Variants in SDK1 observed in about 807,000 individuals in gnomAD.
The protein encoded by SDK1 is protein sidekick-1.
SDK1 carries 157 observed loss-of-function variants against 245.5 expected under a neutral mutation model. The ratio of observed to expected loss-of-function variants is 0.64; its 90% CI spans 0.56 to 0.73. SDK1 has a LOEUF of 0.73. Among genes scored for constraint, SDK1 ranks in the 30% least tolerant of loss-of-function variants. The pLI, the probability that SDK1 is intolerant of heterozygous loss-of-function variation, is 0.00. For missense variants in SDK1, 3,583 were observed against 3,002.3 expected, an observed-to-expected ratio of 1.19 and a Z score of -4.52; for synonymous variants, 1,647 against 1,278.5, an observed-to-expected ratio of 1.29 and a Z score of -6.15.
chr7:3,759,812 C>T (rs983189639), intron 4 of SDK1, among the ~76,000 whole-genome samples: 4 of 151,958 alleles, frequency 2.6e-5, no homozygotes, highest in Admixed American at 2.0e-4. Context: ...AGGCTGGTCT[C>T]GAACTCCTGA....
At chr7:3,675,698 A>G (rs1218898737) in intron 4 of SDK1, among the ~76,000 whole-genome samples, 2 of 152,036 alleles carry the variant, frequency 1.3e-5, no homozygotes, top group Non-Finnish European at 2.9e-5. Context: ...CTCAGCCACT[A>G]CAGGCATTTT....
chr7:3,850,389 TG>T (rs1390628843), intron 5 of SDK1, among the ~76,000 whole-genome samples: 4 of 152,348 alleles, frequency 2.6e-5, no homozygotes, highest in Admixed American at 2.0e-4. Context: ...GAAAATAAGA[TG>T]CCTTTTACAC....
At chr7:3,569,903 T>C (rs776894688) in intron 1 of SDK1, among the ~76,000 whole-genome samples, 1 of 152,222 alleles carries the variant, frequency 6.6e-6, no homozygotes, top group East Asian at 1.9e-4. Flanking sequence ...TGGTGCAGCT[T>C]GTGTTTGATA....
intron 1 of SDK1, among the ~76,000 whole-genome samples, chr7:3,548,917 C>T (rs1156271787): frequency 6.6e-6 from 1 of 152,138 alleles, no homozygotes; most frequent in Non-Finnish European, 1.5e-5. Flanking sequence ...TAGCATTAAT[C>T]GGAGACTTCT....
chr7:3,558,952 C>A (rs1245894398), intron 1 of SDK1, among the ~76,000 whole-genome samples: 1 of 152,106 alleles, frequency 6.6e-6, no homozygotes, highest in Non-Finnish European at 1.5e-5. Context: ...CTACTCAAGA[C>A]TACTTAGATT....
chr7:4,090,709 G>T (rs1395413987), intron 22 of SDK1, among the ~76,000 whole-genome samples: 1 of 152,146 alleles, frequency 6.6e-6, no homozygotes, highest in Non-Finnish European at 1.5e-5. Context: ...AGTGGAGAGT[G>T]GGATTTAGAA....
chr7:4,131,283 G>C (rs902509750), intron 27 of SDK1, among the ~76,000 whole-genome samples: 1 of 152,194 alleles, frequency 6.6e-6, no homozygotes, highest in African/African-American at 2.4e-5. Context: ...CTGTAGACAT[G>C]CCTTCCTCCT....
chr7:3,948,476 A>G (rs544664660), intron 5 of SDK1, among the ~76,000 whole-genome samples: 51 of 151,976 alleles, frequency 3.4e-4, no homozygotes, highest in Non-Finnish European at 5.9e-4. Flanking sequence ...GTTAGCCAGG[A>G]TGGTCTCGAT....
At chr7:3,481,734 T>C (rs1007551613) in intron 1 of SDK1, among the ~76,000 whole-genome samples, 1 of 152,216 alleles carries the variant, frequency 6.6e-6, no homozygotes, top group Non-Finnish European at 1.5e-5. Context: ...CCTGCTCTTA[T>C]GCCTTAAGGC....
intron 35 of SDK1, among the ~76,000 whole-genome samples, chr7:4,194,487 T>A (rs886980699): frequency 2.0e-5 from 3 of 151,988 alleles, no homozygotes; most frequent in Non-Finnish European, 4.4e-5. Flanking sequence ...TACTCCCATA[T>A]ATATGGGAGT....
At position 4,220,232 on chromosome 7, in the gene SDK1, C is replaced by A. The variant is rs369769759; in HGVS notation, c.5663C>A (p.Pro1888His). 1.9e-6 allele frequency: 3 copies of A among 1,613,862 alleles called. No homozygotes were observed. The highest frequency in any genetic ancestry group is 2.5e-6 in the Non-Finnish European group (3 of 1,179,980). ...CAAGCGCGGACCATCACCTACGGGC[C>A]CGAGCTCCAAGCCAATATCACAGCC... ...RVQARTITYG[P>H]ELQANITAGP... Residue 1888 changes from proline (P) to histidine (H), a missense_variant, in exon 39 of 45, where the codon CCC becomes CAC. Pro to His is a moderately conservative substitution (Grantham distance 77). Transcript: ENST00000404826.
chr7:3,495,413 C>T (rs1394262844), intron 1 of SDK1, among the ~76,000 whole-genome samples: 1 of 151,806 alleles, frequency 6.6e-6, no homozygotes, highest in Non-Finnish European at 1.5e-5. Flanking sequence ...TGTGTGACGC[C>T]ACACTGGAGT....
intron 4 of SDK1, among the ~76,000 whole-genome samples, chr7:3,816,715 G>A (rs1779516757): frequency 6.6e-6 from 1 of 152,198 alleles, no homozygotes; most frequent in Non-Finnish European, 1.5e-5. Flanking sequence ...GTACAGCTAA[G>A]GAAAGTTCAT....
chr7:3,461,495 G>T (rs1181559012), intron 1 of SDK1, among the ~76,000 whole-genome samples: 1 of 152,162 alleles, frequency 6.6e-6, no homozygotes, highest in Non-Finnish European at 1.5e-5. Context: ...GTGAAGAAAA[G>T]AAAGAAAATC....
At chr7:3,619,736 A>G (rs1781876382) in intron 2 of SDK1, among the ~76,000 whole-genome samples, 1 of 152,198 alleles carries the variant, frequency 6.6e-6, no homozygotes, top group Non-Finnish European at 1.5e-5. Context: ...TTCAGCAGCA[A>G]TAAAACAGTA....
At chr7:3,973,611 AT>A (rs919593871) in intron 12 of SDK1, among the ~76,000 whole-genome samples, 60 of 151,810 alleles carry the variant, frequency 4.0e-4, no homozygotes, top group Middle Eastern at 6.8e-3. Context: ...CACTCTGTAG[AT>A]TTTTTTTAAA....
intron 5 of SDK1, among the ~76,000 whole-genome samples, chr7:3,845,605 G>T (rs1268037344): frequency 1.3e-5 from 2 of 150,686 alleles, no homozygotes; most frequent in East Asian, 3.9e-4. Context: ...GGTAACAAAA[G>T]TGCCCTAAAA....
intron 1 of SDK1, among the ~76,000 whole-genome samples, chr7:3,599,066 A>T (rs1011684980): frequency 1.4e-5 from 2 of 145,750 alleles, no homozygotes; most frequent in African/African-American, 5.1e-5. Context: ...CTGTGTAGCC[A>T]CCAGCAATGT....
At chr7:3,925,621 G>C (rs531687314) in intron 5 of SDK1, among the ~76,000 whole-genome samples, 8 of 152,268 alleles carry the variant, frequency 5.3e-5, no homozygotes, top group Admixed American at 5.2e-4. Flanking sequence ...GGCAGCCTTG[G>C]GGCACCCTGC....
Sources: allele counts gnomAD v4.1 joint callset (sites outside exome capture counted in the v4.1 genomes callset), GRCh38; gene constraint gnomAD v4.1.1; transcripts MANE v1.5; gene names NCBI Gene and HGNC (gene_info 2026-07-23, HGNC 2026-07-21).